The following CNTN1 variants were observed in gnomAD, a reference collection of about 807,000 sequenced individuals.
CNTN1 encodes contactin 1.
Under a neutral mutation model 126.4 loss-of-function variants are expected in CNTN1, and 38 were observed. The ratio of observed to expected loss-of-function variants is 0.30; its 90% CI spans 0.23 to 0.39. The LOEUF (loss-of-function observed/expected upper bound fraction) is 0.39, where lower values mean the gene tolerates loss of function less well. CNTN1 is among the 10% of genes least tolerant of loss of function. The pLI, the probability that CNTN1 is intolerant of heterozygous loss-of-function variation, is 1.00. For synonymous variants in CNTN1, 413 were observed against 422.6 expected (o/e 0.98, Z 0.28); for missense variants, 1,009 against 1,248.4 (o/e 0.81, Z 2.89).
intron 1 of CNTN1, among the ~76,000 whole-genome samples, chr12:40,897,197 T>C (rs1231377545): frequency 6.6e-6 from 1 of 152,208 alleles, no homozygotes; most frequent in Non-Finnish European, 1.5e-5. Flanking sequence ...AAGAGAATTA[T>C]AGTTTTTGGA....
intron 1 of CNTN1, among the ~76,000 whole-genome samples, chr12:40,905,858 A>C (rs1328718560): frequency 6.6e-6 from 1 of 152,242 alleles, no homozygotes; most frequent in Non-Finnish European, 1.5e-5. Context: ...GATAGGCATA[A>C]CCAGTGTGTA....
At chr12:40,982,933 G>A (rs1254542319) in intron 16 of CNTN1, among the ~76,000 whole-genome samples, 1 of 140,248 alleles carries the variant, frequency 7.1e-6, no homozygotes, top group East Asian at 2.2e-4. Flanking sequence ...CACACACCGG[G>A]GCCTGTCTTG....
chr12:40,853,751 A>G (rs1202809855), intron 1 of CNTN1, among the ~76,000 whole-genome samples: 1 of 151,908 alleles, frequency 6.6e-6, no homozygotes, highest in Non-Finnish European at 1.5e-5. Context: ...CTTTGATATC[A>G]GGAGTTAGTC....
chr12:40,901,018 A>C (rs1177967413), intron 1 of CNTN1, among the ~76,000 whole-genome samples: 1 of 152,214 alleles, frequency 6.6e-6, no homozygotes, highest in African/African-American at 2.4e-5. Context: ...CAGTAACCTC[A>C]GATACATAAA....
At position 41,069,995 on chromosome 12, in the gene CNTN1, T is replaced by C; in HGVS notation, c.3017T>C (p.Leu1006Pro). 1 of 1,614,120 alleles carries C rather than the reference T, an allele frequency of 6.2e-7. No individual in the cohort carries two copies. The highest frequency in any genetic ancestry group is 8.5e-7 in the Non-Finnish European group (1 of 1,179,994). Residue 1006 changes from leucine (L) to proline (P), a missense_variant, in exon 24 of 24, where the codon CTG (leucine) becomes CCG (proline). Coordinates refer to ENST00000551295, the MANE Select transcript of CNTN1 (RefSeq NM_001843.4). ...CTATCCCCAAGTCTTCTCGGCTTAC[T>C]GCTGCCTGCCTTTGGCATCCTTGTC... is the stretch of plus-strand genomic sequence containing the variant. ...PTLSPSLLGL[L>P]LPAFGILVYL...
At chr12:40,708,671 T>A (rs1161055466) in intron 1 of CNTN1, among the ~76,000 whole-genome samples, 6 of 152,212 alleles carry the variant, frequency 3.9e-5, no homozygotes. Context: ...ATCTCTCAAA[T>A]CTTGCTACTG....
chr12:41,056,916 ATAATATTTAGATATTTATAAATATTTAT>A lies in CNTN1; in HGVS notation c.2981-13042_2981-13015del, dbSNP rs1566233786. 7.2e-3 allele frequency among the ~76,000 whole-genome samples: 234 copies of A among 32,296 alleles called. 7 individuals carry two copies. Among genetic ancestry groups the A allele is most frequent in the African/African-American group, 0.063 (224 of 3,546 alleles). The allele number at this position is 32,296 out of a possible 152,430, so 21.2% of individuals were successfully genotyped here. A position where few individuals can be genotyped will look rare whatever the true frequency, so the allele number is the denominator to read the frequency against. On this transcript the variant is annotated intron_variant, in intron 23 of 23. Coordinates refer to ENST00000551295, the MANE Select transcript of CNTN1 (RefSeq NM_001843.4). ...TATATTTAGATATTTATAAATATTT[ATAATATTTAGATATTTATAAATATTTAT>A]AATATTTAGATATTTATAAATATTA... is the stretch of plus-strand genomic sequence containing the variant.
intron 23 of CNTN1, among the ~76,000 whole-genome samples, chr12:41,066,107 G>A (rs568938260): frequency 3.9e-5 from 6 of 152,186 alleles, no homozygotes; most frequent in Admixed American, 6.5e-5. Flanking sequence ...AATAGACCTC[G>A]GAAGAATAAA....
chr12:40,880,311 G>A (rs1233955771), intron 1 of CNTN1, among the ~76,000 whole-genome samples: 1 of 151,900 alleles, frequency 6.6e-6, no homozygotes, highest in East Asian at 1.9e-4. Context: ...CTGAGTAAGA[G>A]GATTTCCTTT....
rs1210632940 is a variant in CNTN1 at position 40,925,626 on chromosome 12, CA to C, written c.496+975del. 2.9e-5 allele frequency among the ~76,000 whole-genome samples: 3 copies of C among 104,264 alleles called. No homozygotes were observed. The East Asian group carries it at 7.4e-4, about 26-fold the overall frequency. The allele number at this position is 104,264 out of a possible 152,430, so 68.4% of individuals were successfully genotyped here. A position where few individuals can be genotyped will look rare whatever the true frequency, so the allele number is the denominator to read the frequency against. On this transcript the variant is annotated intron_variant, in intron 6 of 23. Coordinates refer to ENST00000551295, the MANE Select transcript of CNTN1 (RefSeq NM_001843.4). ...ATATACGTGTATATATATATATACA[CA>C]TATATATATATAGAGAGAGAGAGTT...
At chr12:41,053,217 A>G (rs1449874420) in intron 23 of CNTN1, among the ~76,000 whole-genome samples, 1 of 151,106 alleles carries the variant, frequency 6.6e-6, no homozygotes, top group African/African-American at 2.4e-5. Flanking sequence ...GTGACATTAT[A>G]TAGTCTGAGT....
At chr12:40,733,926 T>C (rs1205280782) in intron 1 of CNTN1, among the ~76,000 whole-genome samples, 1 of 152,094 alleles carries the variant, frequency 6.6e-6, no homozygotes, top group Non-Finnish European at 1.5e-5. Context: ...AATGAATGTT[T>C]CTTTTATATT....
At chr12:40,783,029 A>T (rs1939865216) in intron 1 of CNTN1, among the ~76,000 whole-genome samples, 1 of 151,956 alleles carries the variant, frequency 6.6e-6, no homozygotes, top group African/African-American at 2.4e-5. Context: ...AGCATAAGGG[A>T]AATTTTCAAA....
At chr12:41,069,437 C>A (rs111360018) in intron 23 of CNTN1, among the ~76,000 whole-genome samples, 6,432 of 151,784 alleles carry the variant, frequency 0.042, 322 homozygotes, top group African/African-American at 0.11. Context: ...TCTTTTTTTA[C>A]ATTTTATTAT....
chr12:40,837,706 G>A (rs926958941), intron 1 of CNTN1, among the ~76,000 whole-genome samples: 2 of 152,172 alleles, frequency 1.3e-5, no homozygotes, highest in Non-Finnish European at 1.5e-5. Flanking sequence ...GGAGCAAGCC[G>A]AGAATGTTCC....
intron 1 of CNTN1, among the ~76,000 whole-genome samples, chr12:40,836,059 T>C (rs1158600342): frequency 6.7e-6 from 1 of 150,248 alleles, no homozygotes; most frequent in East Asian, 1.9e-4. Context: ...TATGTATATG[T>C]ATACAGGTGT....
chr12:40,966,075 A>G (rs964682725), intron 15 of CNTN1, among the ~76,000 whole-genome samples: 4 of 151,766 alleles, frequency 2.6e-5, no homozygotes, highest in Non-Finnish European at 2.9e-5. Context: ...AGAGACGATC[A>G]TATAAAGGCA....
intron 17 of CNTN1, among the ~76,000 whole-genome samples, chr12:41,007,865 C>T (rs116972461): frequency 4.1e-3 from 624 of 152,302 alleles, no homozygotes; most frequent in Middle Eastern, 0.01. Flanking sequence ...CATGCAAGCT[C>T]CCAGCTTGCT....
intron 1 of CNTN1, among the ~76,000 whole-genome samples, chr12:40,707,176 T>C (rs1296310659): frequency 6.6e-6 from 1 of 151,360 alleles, no homozygotes; most frequent in Non-Finnish European, 1.5e-5. Flanking sequence ...CTTCTTTCTC[T>C]TACTCTGTTC....
Sources: allele counts gnomAD v4.1 joint callset (sites outside exome capture counted in the v4.1 genomes callset), GRCh38; gene constraint gnomAD v4.1.1; transcripts MANE v1.5; gene names NCBI Gene and HGNC (gene_info 2026-07-23, HGNC 2026-07-21).